CFAP58: variants seen among roughly 807,000 people sequenced by gnomAD.
The protein encoded by CFAP58 is cilia and flagella associated protein 58, also known as cilia- and flagella-associated protein 58.
CFAP58 carries 88 observed loss-of-function variants against 119.5 expected under a neutral mutation model. The observed-to-expected ratio is 0.74, with a 90% CI of 0.62 to 0.88. The LOEUF (loss-of-function observed/expected upper bound fraction) is 0.88. CFAP58 is among the 40% of genes least tolerant of loss of function. CFAP58 has a pLI of 0.00. For synonymous variants in CFAP58, 365 were observed against 366.3 expected, an observed-to-expected ratio of 1.00 and a Z score of 0.04; for missense variants, 990 against 1,021.2, an observed-to-expected ratio of 0.97 and a Z score of 0.42.
At chr10:104,443,180 C>CATGA (rs1392103760) in intron 15 of CFAP58, among the ~76,000 whole-genome samples, 2 of 152,156 alleles carry the variant, frequency 1.3e-5, no homozygotes, top group Non-Finnish European at 2.9e-5. Flanking sequence ...TTGGTAGTAA[C>CATGA]ATGATATCTG....
intron 8 of CFAP58, among the ~76,000 whole-genome samples, chr10:104,377,623 G>C (rs544319041): frequency 2.6e-5 from 4 of 152,272 alleles, no homozygotes; most frequent in Non-Finnish European, 4.4e-5. Context: ...GGGTGGTTGT[G>C]GGGGATGGTG....
At chr10:104,399,890 T>A (rs1158092262) in intron 12 of CFAP58, among the ~76,000 whole-genome samples, 2 of 152,146 alleles carry the variant, frequency 1.3e-5, no homozygotes, top group Non-Finnish European at 2.9e-5. Flanking sequence ...TGTCGGCACA[T>A]TACCCATCCA....
upstream of CFAP58, among the ~76,000 whole-genome samples, chr10:104,351,392 C>T (rs1564872904): frequency 6.6e-6 from 1 of 152,136 alleles, no homozygotes; most frequent in Non-Finnish European, 1.5e-5. Context: ...AGGATAAAGG[C>T]CCGTGGATAG....
chr10:104,426,074 A>C (rs1213197368), intron 15 of CFAP58, among the ~76,000 whole-genome samples: 1 of 152,174 alleles, frequency 6.6e-6, no homozygotes, highest in Non-Finnish European at 1.5e-5. Flanking sequence ...TCTATAAAAA[A>C]TACAAAAATT....
intron 7 of CFAP58, among the ~76,000 whole-genome samples, chr10:104,374,454 A>G (rs907986531): frequency 2.5e-4 from 17 of 69,178 alleles, no homozygotes; most frequent in South Asian, 8.8e-4. Flanking sequence ...TTGTTTCAGG[A>G]AAAAAAAAAA....
chr10:104,382,438 G>C (rs1176179276), intron 9 of CFAP58: 1 of 471,364 alleles, frequency 2.1e-6, no homozygotes, highest in Non-Finnish European at 3.8e-6. Context: ...CACCATCAGA[G>C]CTAACTCTCA....
intron 15 of CFAP58, among the ~76,000 whole-genome samples, chr10:104,444,565 A>G (rs2013084610): frequency 6.6e-6 from 1 of 152,268 alleles, no homozygotes; most frequent in Non-Finnish European, 1.5e-5. Flanking sequence ...AAGACAATGT[A>G]CTGAAGACCT....
chr10:104,419,872 G>A (rs2012627121), intron 15 of CFAP58, among the ~76,000 whole-genome samples: 1 of 152,146 alleles, frequency 6.6e-6, no homozygotes, highest in Non-Finnish European at 1.5e-5. Context: ...TTTAGCATAA[G>A]AAGAAGTTGG....
At chr10:104,407,293 C>T (rs1490443752) in intron 15 of CFAP58, among the ~76,000 whole-genome samples, 1 of 152,194 alleles carries the variant, frequency 6.6e-6, no homozygotes, top group Non-Finnish European at 1.5e-5. Flanking sequence ...CTGTCATCAT[C>T]ATCACCATCT....
chr10:104,373,262 C>T (rs1193819752), intron 7 of CFAP58, among the ~76,000 whole-genome samples: 5 of 151,920 alleles, frequency 3.3e-5, no homozygotes, highest in Non-Finnish European at 7.4e-5. Flanking sequence ...TATTAAGTTC[C>T]TGGATGAGAA....
intron 2 of CFAP58, among the ~76,000 whole-genome samples, chr10:104,358,857 T>A (rs2014631181): frequency 6.6e-6 from 1 of 152,206 alleles, no homozygotes; most frequent in Non-Finnish European, 1.5e-5. Flanking sequence ...TGGGAAATAA[T>A]GGGTTAGGAA....
chr10:104,447,634 G>A, intron 15 of CFAP58, 64 bp from the exon 16 acceptor site: 1 of 1,592,304 alleles, frequency 6.3e-7, no homozygotes, highest in South Asian at 1.1e-5. Flanking sequence ...GCCATGCAGT[G>A]AAAGGCATTT....
At chr10:104,453,551 C>T (rs1393435087) in intron 17 of CFAP58, among the ~76,000 whole-genome samples, 1 of 152,180 alleles carries the variant, frequency 6.6e-6, no homozygotes, top group Non-Finnish European at 1.5e-5. Context: ...CCAGGCTGAT[C>T]TACAGTCTGC....
At chr10:104,378,577 T>C (rs1460480893) in intron 8 of CFAP58, among the ~76,000 whole-genome samples, 1 of 152,204 alleles carries the variant, frequency 6.6e-6, no homozygotes, top group Non-Finnish European at 1.5e-5. Context: ...AAAGCATCTC[T>C]CTCTGCCAGT....
At position 104,438,364 on chromosome 10, in the gene CFAP58, TTTTTTTTTTG is replaced by T. The variant is rs1239282502; in HGVS notation, c.2257-9324_2257-9315del. ...TTGTTTTTTGTTTTTTTTTTTTGTT[TTTTTTTTTTG>T]TTTTTTTTTTTTGAGACGGAGTCTC... On this transcript the variant is annotated intron_variant, in intron 15 of 17. Transcript: ENST00000369704. Among the ~76,000 whole-genome samples, 507 of 129,242 alleles carry T rather than the reference TTTTTTTTTTG, an allele frequency of 3.9e-3. 23 individuals carry two copies. Among genetic ancestry groups the T allele is most frequent in the East Asian group, 0.037 (175 of 4,736 alleles). 84.8% of individuals were successfully genotyped at this position (129,242 alleles called of 152,430 possible).
At chr10:104,381,713 G>C (rs1221536517) in intron 9 of CFAP58, among the ~76,000 whole-genome samples, 1 of 151,994 alleles carries the variant, frequency 6.6e-6, no homozygotes, top group East Asian at 1.9e-4. Context: ...AAACTTTACT[G>C]ATAGGAAGTC....
intron 13 of CFAP58, 26 bp from the exon 14 acceptor site, chr10:104,403,703 T>A: frequency 6.7e-7 from 1 of 1,500,024 alleles, no homozygotes; most frequent in African/African-American, 1.4e-5. Context: ...GATAATTCTT[T>A]GCAAAATCAA....
At position 104,392,362 on chromosome 10, in the gene CFAP58, A is replaced by T; in HGVS notation, c.1495A>T (p.Asn499Tyr). Residue 499 changes from asparagine (N) to tyrosine (Y), a missense_variant, in exon 10 of 18, where the codon AAT becomes TAT. Transcript: ENST00000369704. Reference sequence around the variant, plus strand: ...ATATGAAGCTGTGAGATCAGACAGAAATCTGTATAGCAAAAATCTGGTTGA... The same window carrying T: ...ATATGAAGCTGTGAGATCAGACAGATATCTGTATAGCAAAAATCTGGTTGA... ...NLYEAVRSDR[N>Y]LYSKNLVEAQ... The T allele has an allele frequency of 1.3e-5, 21 of 1,602,960 alleles. No homozygotes were observed. The highest frequency in any genetic ancestry group is 1.8e-5 in the Non-Finnish European group (21 of 1,176,160).
intron 9 of CFAP58, among the ~76,000 whole-genome samples, chr10:104,380,588 T>G (rs1047816449): frequency 1.2e-4 from 18 of 152,210 alleles, no homozygotes; most frequent in African/African-American, 4.3e-4. Context: ...TCACTGAAAC[T>G]TTTGTCCCCT....
Sources: allele counts gnomAD v4.1 joint callset (sites outside exome capture counted in the v4.1 genomes callset), GRCh38; gene constraint gnomAD v4.1.1; transcripts MANE v1.5; gene names NCBI Gene and HGNC (gene_info 2026-07-23, HGNC 2026-07-21).